The following PLS3 variants were observed in gnomAD, a reference collection of about 807,000 sequenced individuals.
The protein encoded by PLS3 is plastin-3.
PLS3 carries 11 observed loss-of-function variants against 46.5 expected under a neutral mutation model. The observed-to-expected ratio is 0.24, with a 90% confidence interval of 0.15 to 0.39. The LOEUF (loss-of-function observed/expected upper bound fraction) is 0.39. Among genes scored for constraint, PLS3 ranks in the 10% least tolerant of loss-of-function variants. The probability of loss-of-function intolerance (pLI) is 1.00; values close to 1 mark genes in which losing one functional copy is unlikely to be tolerated. For missense variants in PLS3, 308 were observed against 461.8 expected (o/e 0.67, Z 3.05); for synonymous variants, 167 against 162.2 (o/e 1.03, Z -0.22).
intron 3 of PLS3, among the ~76,000 whole-genome samples, chrX:115,626,854 C>CTT (rs781968875): frequency 9.8e-6 from 1 of 102,093 alleles, no homozygotes; most frequent in Admixed American, 1.1e-4. Context: ...ATTTATTTTC[C>CTT]TTTTTTTTTT....
At chrX:115,624,191 T>A (rs781985491) in intron 3 of PLS3, 35 of 89,580 alleles carry the variant, frequency 3.9e-4, no homozygotes, top group African/African-American at 1.5e-3. Context: ...ATTGTGCCAC[T>A]GCACTCCAGC....
intron 1 of PLS3, chrX:115,593,685 T>C (rs1339334443): frequency 8.9e-6 from 1 of 111,828 alleles, no homozygotes; most frequent in Non-Finnish European, 1.9e-5. Context: ...TTACTAAATC[T>C]AAATTTAAAT....
At chrX:115,649,197 G>A (rs898229663) in intron 15 of PLS3, among the ~76,000 whole-genome samples, 6 of 111,636 alleles carry the variant, frequency 5.4e-5, no homozygotes, top group Non-Finnish European at 1.1e-4. Context: ...GAGAAAAAGA[G>A]TGAATAAATA....
intron 3 of PLS3, among the ~76,000 whole-genome samples, chrX:115,627,376 G>A (rs1486232269): frequency 2.7e-5 from 3 of 111,854 alleles, no homozygotes. Context: ...TAACACTTTT[G>A]TCATTGCAGG....
chrX:115,613,551 G>A (rs371847399), intron 2 of PLS3, among the ~76,000 whole-genome samples: 19 of 111,673 alleles, frequency 1.7e-4, no homozygotes, highest in African/African-American at 6.2e-4. Flanking sequence ...AAACTAATCA[G>A]TGCTCTTTCA....
intron 1 of PLS3, among the ~76,000 whole-genome samples, chrX:115,571,408 C>T (rs1172483662): frequency 2.7e-5 from 3 of 110,339 alleles, no homozygotes; most frequent in Non-Finnish European, 5.7e-5. Context: ...TACCCAGCTA[C>T]TTGGAAGGCT....
intron 13 of PLS3, among the ~76,000 whole-genome samples, chrX:115,647,062 T>C (rs1337974630): frequency 9.0e-6 from 1 of 111,491 alleles, no homozygotes; most frequent in African/African-American, 3.3e-5. Context: ...AGTAGATCAG[T>C]AGCAAGCCAC....
intron 2 of PLS3, chrX:115,614,291 G>C: frequency 1.3e-6 from 1 of 751,733 alleles, no homozygotes. Context: ...TTTTTAAAAC[G>C]AGAGTTGCAG....
intron 1 of PLS3, among the ~76,000 whole-genome samples, chrX:115,581,203 C>T (rs187774979): frequency 9.6e-4 from 107 of 111,839 alleles, no homozygotes; most frequent in African/African-American, 3.2e-3. Context: ...AATAAGATTC[C>T]TAAACCTATT....
chrX:115,640,248 G>A, intron 8 of PLS3, 160 bp from the exon 9 acceptor site: 1 of 648,652 alleles, frequency 1.5e-6, no homozygotes, highest in Non-Finnish European at 2.4e-6. Context: ...AAGGCAGATA[G>A]ATGGACTTTT....
intron 1 of PLS3, among the ~76,000 whole-genome samples, chrX:115,608,139 A>G (rs925446422): frequency 9.0e-6 from 1 of 111,636 alleles, no homozygotes; most frequent in Non-Finnish European, 1.9e-5. Flanking sequence ...GGGCTGTGAT[A>G]AATTCTAGAA....
At chrX:115,647,223 A>G (rs1602440851) in intron 13 of PLS3, among the ~76,000 whole-genome samples, 1 of 111,483 alleles carries the variant, frequency 9.0e-6, no homozygotes. Context: ...TCACGAGGTC[A>G]GGAGATCAAG....
Position 115,622,196 on chromosome X carries a change from C to A in PLS3, c.74-50C>A, listed in dbSNP as rs144675308. 8,358 of 1,024,046 alleles carry A rather than the reference C, an allele frequency of 8.2e-3. 372 individuals are homozygous for A. The African/African-American group carries it at 0.14, about 17-fold the overall frequency. The allele number at this position is 1,024,046 out of a possible 1,213,427, so 84.4% of individuals were successfully genotyped here. ...CAAATGAAGGGAAATACTCTAACTTCTGTCTTTCAATTTTTTTTCCTTTTT... is the reference window on the plus strand; with the variant it reads ...CAAATGAAGGGAAATACTCTAACTTATGTCTTTCAATTTTTTTTCCTTTTT... On this transcript the variant is annotated intron_variant, in intron 2 of 15. Transcript: ENST00000355899.
At chrX:115,597,454 C>T (rs1240137299) in intron 1 of PLS3, among the ~76,000 whole-genome samples, 1 of 111,262 alleles carries the variant, frequency 9.0e-6, no homozygotes, top group Admixed American at 9.6e-5. Flanking sequence ...TATCCAAGGC[C>T]GAATTATAGT....
intron 5 of PLS3, among the ~76,000 whole-genome samples, chrX:115,630,890 TA>T (rs1556639284): frequency 6.3e-5 from 6 of 95,546 alleles, no homozygotes; most frequent in African/African-American, 2.3e-4. Flanking sequence ...TATATATGTA[TA>T]ATATATGTAT....
intron 1 of PLS3, among the ~76,000 whole-genome samples, chrX:115,570,434 C>G (rs1337813994): frequency 1.8e-5 from 2 of 109,867 alleles, no homozygotes; most frequent in Non-Finnish European, 3.8e-5. Context: ...ATTAATGTTG[C>G]CTTAGATGAT....
chrX:115,586,079 C>T (rs1339801481), intron 1 of PLS3, among the ~76,000 whole-genome samples: 7 of 107,347 alleles, frequency 6.5e-5, no homozygotes, highest in African/African-American at 1.4e-4. Flanking sequence ...CTCCGCCTCC[C>T]GGGTTCAAGC....
rs2074131394 is a variant in PLS3, at chrX:115,561,214, G to GTTGGTCGGCTGAGTGC, written c.-55_-54insTTGGTCGGCTGAGTGC. On this transcript the variant is annotated 5_prime_UTR_variant, in exon 1 of 16. Coordinates refer to ENST00000355899, the MANE Select transcript of PLS3 (RefSeq NM_005032.7). ...CCGAGGTGCAGAAGTTGTCTGAGTGGGTTGGTCGGCGGCAGTCGGGCCAGA... is the reference window on the plus strand; with the variant it reads ...CCGAGGTGCAGAAGTTGTCTGAGTGGTTGGTCGGCTGAGTGCGTTGGTCGGCGGCAGTCGGGCCAGA... 2.7e-5 allele frequency: 3 copies of GTTGGTCGGCTGAGTGC among 111,106 alleles called. No individual in the cohort carries two copies. Among genetic ancestry groups the GTTGGTCGGCTGAGTGC allele is most frequent in the Non-Finnish European group, 5.7e-5 (3 of 52,986 alleles). The allele number at this position is 111,106 out of a possible 1,213,427, so 9.2% of individuals were successfully genotyped here. A position where few individuals can be genotyped will look rare whatever the true frequency, so the allele number is the denominator to read the frequency against.
chrX:115,608,471 T>C (rs782341764), intron 1 of PLS3, among the ~76,000 whole-genome samples: 1 of 112,063 alleles, frequency 8.9e-6, no homozygotes, highest in Middle Eastern at 4.7e-3. Flanking sequence ...CCACAGATTA[T>C]ACAACACTAA....
Sources: gnomAD v4.1 joint callset for allele counts (sites outside exome capture counted in the v4.1 genomes callset) on GRCh38, gnomAD v4.1.1 for gene constraint, MANE v1.5 for transcripts, NCBI Gene and HGNC (gene_info 2026-07-23, HGNC 2026-07-21) for gene names.